Variants in VWA8 observed in about 807,000 individuals in gnomAD.
VWA8 encodes the protein von Willebrand factor A domain-containing protein 8.
Under a neutral mutation model 241.5 loss-of-function variants are expected in VWA8, and 221 were observed. The observed-to-expected ratio is 0.91, with a 90% CI of 0.82 to 1.02. VWA8 has a LOEUF of 1.02. VWA8 is among the 50% of genes least tolerant of loss of function. The pLI is 0.00. For missense variants in VWA8, 2,322 were observed against 2,328.7 expected (o/e 1.00, Z 0.06); for synonymous variants, 852 against 827.1 (o/e 1.03, Z -0.52).
intron 3 of VWA8, among the ~76,000 whole-genome samples, chr13:41,908,984 G>T (rs982725032): frequency 6.6e-6 from 1 of 151,814 alleles, no homozygotes; most frequent in Non-Finnish European, 1.5e-5. Context: ...TATTATTGTT[G>T]TAATTTAGGT....
At chr13:41,927,418 A>G (rs1188674292) in intron 2 of VWA8, 1 of 441,144 alleles carries the variant, frequency 2.3e-6, no homozygotes, top group Non-Finnish European at 4.6e-6. Flanking sequence ...AAGGTCTGCA[A>G]GGGAATTCTT....
intron 42 of VWA8, among the ~76,000 whole-genome samples, chr13:41,582,871 T>G (rs2044392528): frequency 6.6e-6 from 1 of 152,156 alleles, no homozygotes; most frequent in Admixed American, 6.5e-5. Flanking sequence ...GGGCGGGCAG[T>G]GGCTTACTCT....
chr13:41,600,444 T>C (rs1336199655), intron 40 of VWA8, among the ~76,000 whole-genome samples: 2 of 152,120 alleles, frequency 1.3e-5, no homozygotes, highest in African/African-American at 4.8e-5. Flanking sequence ...TCCTGTGACA[T>C]GTAGACGTTC....
Position 41,837,648 on chromosome 13 carries a change from A to T in VWA8, c.1426-4117T>A, listed in dbSNP as rs953621776. Among the ~76,000 whole-genome samples, 9 of 152,176 alleles carry T rather than the reference A, an allele frequency of 5.9e-5. No homozygotes were observed. In the South Asian group the frequency reaches 1.9e-3, roughly 32 times the overall value. Reference sequence around the variant, plus strand: ...ATCTTTAACAGACACTGCATCATGGAGTTGTGAAAAATATATATCATTTCC... The same window carrying T: ...ATCTTTAACAGACACTGCATCATGGTGTTGTGAAAAATATATATCATTTCC... On this transcript the variant is annotated intron_variant, in intron 12 of 44. Transcript: ENST00000379310.
chr13:41,573,486 A>AAAAAAATAAATATAT, intron 43 of VWA8, among the ~76,000 whole-genome samples: 2 of 113,614 alleles, frequency 1.8e-5, no homozygotes, highest in African/African-American at 3.4e-5. Context: ...AAAAAAAAAA[A>AAAAAAATAAATATAT]ATATATATAT....
chr13:41,879,667 G>GA (rs376217780), intron 9 of VWA8, among the ~76,000 whole-genome samples: 8,187 of 141,986 alleles, frequency 0.058, 294 homozygotes, highest in Middle Eastern at 0.12. Context: ...TAACTGCTCT[G>GA]AAAAAAAAAA....
chr13:41,729,216 A>T (rs1479078476), intron 23 of VWA8, among the ~76,000 whole-genome samples: 1 of 152,036 alleles, frequency 6.6e-6, no homozygotes, highest in Non-Finnish European at 1.5e-5. Flanking sequence ...TATTATAATG[A>T]GCAAATTGAA....
chr13:41,703,521 C>T (rs1451488099), intron 26 of VWA8, 110 bp from the exon 27 acceptor site: 1 of 843,622 alleles, frequency 1.2e-6, no homozygotes, highest in Admixed American at 2.4e-5. Context: ...GAGTGCTTTA[C>T]TTAGAAGTGA....
intron 1 of VWA8, among the ~76,000 whole-genome samples, 194 bp from the exon 2 acceptor site, chr13:41,950,207 T>G (rs933759742): frequency 6.6e-6 from 1 of 151,734 alleles, no homozygotes; most frequent in Non-Finnish European, 1.5e-5. Flanking sequence ...GAGGCATCAG[T>G]GCAATTCACA....
intron 21 of VWA8, among the ~76,000 whole-genome samples, chr13:41,748,208 G>C (rs1218841929): frequency 1.3e-5 from 2 of 152,148 alleles, no homozygotes; most frequent in Admixed American, 6.5e-5. Context: ...GTAGAATTTG[G>C]CTGTGAATCC....
intron 37 of VWA8, among the ~76,000 whole-genome samples, chr13:41,644,584 A>C (rs1387869296): frequency 2.0e-5 from 3 of 152,172 alleles, no homozygotes; most frequent in Non-Finnish European, 4.4e-5. Context: ...ACATGGTCCC[A>C]GTGTGAGTGA....
At chr13:41,810,630 T>A (rs1870423624) in intron 17 of VWA8, among the ~76,000 whole-genome samples, 1 of 151,704 alleles carries the variant, frequency 6.6e-6, no homozygotes, top group African/African-American at 2.4e-5. Context: ...GTGGGAAGGG[T>A]AGTGAGAATT....
At chr13:41,607,635 T>C (rs1446552684) in intron 39 of VWA8, among the ~76,000 whole-genome samples, 1 of 152,128 alleles carries the variant, frequency 6.6e-6, no homozygotes, top group Admixed American at 6.6e-5. Flanking sequence ...CACAGCTGTC[T>C]GTGGGGTGGG....
intron 12 of VWA8, among the ~76,000 whole-genome samples, chr13:41,854,859 G>A (rs1566482493): frequency 6.6e-6 from 1 of 152,102 alleles, no homozygotes; most frequent in Admixed American, 6.6e-5. Context: ...TTAGCAAATT[G>A]GCCTACAGGC....
intron 1 of VWA8, among the ~76,000 whole-genome samples, chr13:41,950,411 T>G (rs1467383790): frequency 6.6e-6 from 1 of 151,990 alleles, no homozygotes; most frequent in Non-Finnish European, 1.5e-5. Context: ...CTCTGTCACC[T>G]GGGCTGGAGT....
chr13:41,619,872 CA>C (rs1337216657), intron 37 of VWA8, among the ~76,000 whole-genome samples: 1 of 152,008 alleles, frequency 6.6e-6, no homozygotes, highest in African/African-American at 2.4e-5. Context: ...TTCAGTTTGC[CA>C]GTATTTTATT....
At chr13:41,901,886 AAAAATAT>A (rs1178079259) in intron 4 of VWA8, among the ~76,000 whole-genome samples, 1 of 80,212 alleles carries the variant, frequency 1.2e-5, no homozygotes, top group African/African-American at 3.7e-5. Context: ...AAAAAAAAAA[AAAAATAT>A]ATATATATAT....
intron 13 of VWA8, 41 bp downstream of exon 13, chr13:41,833,329 TG>T: frequency 1.9e-6 from 3 of 1,554,594 alleles, no homozygotes; most frequent in South Asian, 1.2e-5. Context: ...TAAGTCAGAG[TG>T]GGGTGTGTGT....
chr13:41,837,587 ATTTGG>A (rs1310920707), intron 12 of VWA8, among the ~76,000 whole-genome samples: 1 of 152,228 alleles, frequency 6.6e-6, no homozygotes, highest in Non-Finnish European at 1.5e-5. Flanking sequence ...TCTATAGAAT[ATTTGG>A]TTTGTAGTAC....
Sources: allele counts gnomAD v4.1 joint callset (sites outside exome capture counted in the v4.1 genomes callset), GRCh38; gene constraint gnomAD v4.1.1; transcripts MANE v1.5; gene names NCBI Gene and HGNC (gene_info 2026-07-23, HGNC 2026-07-21).